Variants in EMILIN2 observed in about 807,000 individuals in gnomAD.
EMILIN2 encodes EMILIN-2.
EMILIN2 carries 71 observed loss-of-function variants against 87.1 expected under a neutral mutation model. The ratio of observed to expected loss-of-function variants is 0.82; its 90% CI spans 0.67 to 0.99. EMILIN2 has a LOEUF of 0.99. Ranked by LOEUF, EMILIN2 falls within the 50% of genes least tolerant of loss-of-function variation. The probability of loss-of-function intolerance (pLI) is 0.00; values close to 1 mark genes in which losing one functional copy is unlikely to be tolerated. For synonymous variants in EMILIN2, 581 were observed against 563.4 expected (o/e 1.03, Z -0.44); for missense variants, 1,407 against 1,371.8 (o/e 1.03, Z -0.40).
At chr18:2,867,483 C>T (rs979651867) in intron 2 of EMILIN2, among the ~76,000 whole-genome samples, 1 of 152,100 alleles carries the variant, frequency 6.6e-6, no homozygotes, top group African/African-American at 2.4e-5. Flanking sequence ...CTTTCCTAGG[C>T]AGAGGACCCT....
chr18:2,913,621 C>T lies in EMILIN2; in HGVS notation c.*217C>T. 3.8e-6 allele frequency: 2 copies of T among 531,244 alleles called. No homozygotes were observed. Among genetic ancestry groups the T allele is most frequent in the East Asian group, 3.2e-5 (1 of 30,856 alleles). The allele number at this position is 531,244 out of a possible 1,614,324, so 32.9% of individuals were successfully genotyped here. A position where few individuals can be genotyped will look rare whatever the true frequency, so the allele number is the denominator to read the frequency against. ...GTGAACATGGCCACTGACTTTTCTGCCACTCTAACTGGACAACTGGAAGAC... is the reference window on the plus strand; with the variant it reads ...GTGAACATGGCCACTGACTTTTCTGTCACTCTAACTGGACAACTGGAAGAC... On this transcript the variant is annotated 3_prime_UTR_variant, in exon 8 of 8. Transcript: ENST00000254528.
intron 3 of EMILIN2, among the ~76,000 whole-genome samples, chr18:2,889,344 G>C (rs919894896): frequency 6.6e-6 from 1 of 151,840 alleles, no homozygotes; most frequent in African/African-American, 2.4e-5. Context: ...CGCCATGTTG[G>C]CCAGGCTGGT....
rs778159492 is a variant in EMILIN2 at position 2,891,729 on chromosome 18, G to C, written c.1602G>C (p.Arg534=). 9 of 1,614,128 alleles carry C rather than the reference G, an allele frequency of 5.6e-6. No homozygotes were observed. The Admixed American group carries it at 1.2e-4, about 21-fold the overall frequency. ...LPGVSGSGDE[R]VMMELNHLKD... is the part of the protein sequence containing the mutation. ...GAGTGTCAGGGTCAGGAGATGAACG[G>C]GTCATGATGGAATTAAACCACCTGA... The change falls in exon 4 of 8, where the codon CGG becomes CGC. Residue 534 remains arginine, a synonymous_variant. Transcript: ENST00000254528. This position sits in a 1 kb window ranked among gnomAD's most constrained non-coding sequence, Gnocchi z 4.6.
At chr18:2,861,631 T>C (rs1472856078) in intron 2 of EMILIN2, among the ~76,000 whole-genome samples, 3 of 152,374 alleles carry the variant, frequency 2.0e-5, no homozygotes, top group Non-Finnish European at 2.9e-5. Flanking sequence ...TTTTGGTTAC[T>C]GTAGCCTTGT....
chr18:2,898,459 C>T (rs1047063182), intron 4 of EMILIN2, among the ~76,000 whole-genome samples: 1 of 152,164 alleles, frequency 6.6e-6, no homozygotes, highest in Non-Finnish European at 1.5e-5. Context: ...GGAAGGGGTG[C>T]TGGTGGCGAG....
At chr18:2,856,277 G>A (rs1374804167) in intron 2 of EMILIN2, among the ~76,000 whole-genome samples, 3 of 152,136 alleles carry the variant, frequency 2.0e-5, no homozygotes, top group Non-Finnish European at 4.4e-5. Flanking sequence ...ACTGGAAGCC[G>A]AGCCAGCAGT....
chr18:2,885,400 C>T (rs1454335444), intron 3 of EMILIN2, among the ~76,000 whole-genome samples: 2 of 152,188 alleles, frequency 1.3e-5, no homozygotes, highest in East Asian at 1.9e-4. Context: ...TAGGAAATGC[C>T]AGTGGGTTCA....
In EMILIN2 at chr18:2,911,296, G is replaced by A. The variant is rs376809563; in HGVS notation, c.2824+1477G>A. Among the ~76,000 whole-genome samples, 8 of 152,308 alleles carry A rather than the reference G, an allele frequency of 5.3e-5. No individual in the cohort carries two copies. In the South Asian group the frequency reaches 1.4e-3, roughly 28 times the overall value. ...GCCTACCAGTGCCTAAGAGGGGGGC[G>A]TGCGCAGTGTTTCCTGGAGTTGTGC... On this transcript the variant is annotated intron_variant, in intron 7 of 7. Coordinates refer to ENST00000254528, the MANE Select transcript of EMILIN2 (RefSeq NM_032048.3).
At chr18:2,851,760 G>C (rs2076602818) in intron 2 of EMILIN2, among the ~76,000 whole-genome samples, 2 of 152,200 alleles carry the variant, frequency 1.3e-5, no homozygotes, top group Admixed American at 1.3e-4. Flanking sequence ...TTTTATATAA[G>C]TGGGCATTTT....
At chr18:2,904,636 C>G (rs1428741335) in intron 4 of EMILIN2, among the ~76,000 whole-genome samples, 2 of 152,202 alleles carry the variant, frequency 1.3e-5, no homozygotes, top group African/African-American at 4.8e-5. Context: ...ATTCTTGCAT[C>G]TTGGATGCAG....
chr18:2,891,879 ATC>A lies in EMILIN2; in HGVS notation c.1757_1758del (p.Leu586GlnfsTer23). On this transcript the variant is annotated frameshift_variant, in exon 4 of 8. Transcript: ENST00000254528. LOFTEE classifies it high-confidence loss of function. The surrounding 1 kb of genome is among the most constrained non-coding windows in gnomAD (Gnocchi z 4.6). Reference sequence around the variant, plus strand: ...TACGCGACAGCCTGCACCTTTTGAAATCTCTCAACGACACGATGCACAGGAAG... The same window carrying A: ...TACGCGACAGCCTGCACCTTTTGAAATCTCAACGACACGATGCACAGGAAG... ...AVRDSLHLLK[S>X]LNDTMHRKFQ... is the part of the protein sequence containing the mutation. 1 of 1,614,256 alleles carries A rather than the reference ATC, an allele frequency of 6.2e-7. No homozygotes were observed. The highest frequency in any genetic ancestry group is 8.5e-7 in the Non-Finnish European group (1 of 1,180,040).
In EMILIN2 at chr18:2,878,699, C is replaced by T. The variant is rs576049998; in HGVS notation, c.258-6265C>T. ...TCCTTCTTTGGGGCAGGCAGTTCTTCCCCCCTGCCTGGCTAGGGTACTTCC... is the reference window on the plus strand; with the variant it reads ...TCCTTCTTTGGGGCAGGCAGTTCTTTCCCCCTGCCTGGCTAGGGTACTTCC... On this transcript the variant is annotated intron_variant, in intron 2 of 7. Coordinates refer to ENST00000254528, the MANE Select transcript of EMILIN2 (RefSeq NM_032048.3). Among the ~76,000 whole-genome samples the T allele has an allele frequency of 3.3e-5, 5 of 152,214 alleles. No homozygotes were observed. In the South Asian group the frequency reaches 1.0e-3, roughly 32 times the overall value.
intron 4 of EMILIN2, among the ~76,000 whole-genome samples, chr18:2,903,620 C>T (rs1470116519): frequency 6.6e-6 from 1 of 152,176 alleles, no homozygotes; most frequent in African/African-American, 2.4e-5. Context: ...CTCAATAGCT[C>T]TCTAAGGTTG....
chr18:2,907,203 C>G (rs1291026178), intron 5 of EMILIN2, 118 bp downstream of exon 5: 4 of 1,094,070 alleles, frequency 3.7e-6, no homozygotes, highest in East Asian at 3.3e-5. Flanking sequence ...GGGCAAGTTC[C>G]GAAATGCAGC....
chr18:2,854,986 C>CT (rs1431984013), intron 2 of EMILIN2, among the ~76,000 whole-genome samples: 4 of 152,196 alleles, frequency 2.6e-5, no homozygotes, highest in Non-Finnish European at 4.4e-5. Context: ...AAAAGTTTCG[C>CT]CATCAATTGG....
At position 2,881,590 on chromosome 18, in the gene EMILIN2, G is replaced by A. The variant is rs78658065; in HGVS notation, c.258-3374G>A. Among the ~76,000 whole-genome samples, 808 of 152,350 alleles carry A rather than the reference G, an allele frequency of 5.3e-3. 10 individuals are homozygous for A. The highest frequency in any genetic ancestry group is 0.018 in the African/African-American group (764 of 41,592). On this transcript the variant is annotated intron_variant, in intron 2 of 7. Coordinates refer to ENST00000254528, the MANE Select transcript of EMILIN2 (RefSeq NM_032048.3). ...CCGCTGCTGGGCTGGAGTGGGGGCC[G>A]TTCCTCTTCAATGGGCACAGGAGTG...
intron 3 of EMILIN2, among the ~76,000 whole-genome samples, chr18:2,889,824 A>T (rs780597645): frequency 1.5e-4 from 22 of 150,908 alleles, no homozygotes; most frequent in Non-Finnish European, 2.9e-4. Context: ...CACCTCCCTG[A>T]CCAGCTTTCA....
Position 2,847,421 on chromosome 18 carries a change from G to A in EMILIN2, c.134+99G>A, listed in dbSNP as rs9952345. Reference sequence around the variant, plus strand: ...CTGCCAAAGACGACGAGCGGCAGCCGGGGGCCTCCCTTGGACTTCCCCGGG... The same window carrying A: ...CTGCCAAAGACGACGAGCGGCAGCCAGGGGCCTCCCTTGGACTTCCCCGGG... On this transcript the variant is annotated intron_variant, in intron 1 of 7. Coordinates refer to ENST00000254528, the MANE Select transcript of EMILIN2 (RefSeq NM_032048.3). This position sits in a 1 kb window ranked among gnomAD's most constrained non-coding sequence, Gnocchi z 4.5. The A allele has an allele frequency of 4.9e-3, 5,701 of 1,160,454 alleles. 247 individuals carry two copies. In the African/African-American group the frequency reaches 0.081, roughly 17 times the overall value. The allele number at this position is 1,160,454 out of a possible 1,614,324, so 71.9% of individuals were successfully genotyped here. A position where few individuals can be genotyped will look rare whatever the true frequency, so the allele number is the denominator to read the frequency against.
At chr18:2,874,670 G>A (rs2076738719) in intron 2 of EMILIN2, among the ~76,000 whole-genome samples, 1 of 152,164 alleles carries the variant, frequency 6.6e-6, no homozygotes, top group Non-Finnish European at 1.5e-5. Context: ...CCTGGACTAT[G>A]GAAGAAATTT....
Sources: gnomAD v4.1 joint callset for allele counts (sites outside exome capture counted in the v4.1 genomes callset) on GRCh38, gnomAD v4.1.1 for gene constraint, Gnocchi (gnomAD v3.1) non-coding constraint, MANE v1.5 for transcripts, NCBI Gene and HGNC (gene_info 2026-07-23, HGNC 2026-07-21) for gene names.